SLC44A1: variants seen among roughly 807,000 people sequenced by gnomAD.
The protein encoded by SLC44A1 is solute carrier family 44 member 1.
A neutral mutation model predicts 79.3 loss-of-function variants in SLC44A1; 26 were observed. The observed-to-expected ratio is 0.33, with a 90% CI of 0.24 to 0.46. The LOEUF (loss-of-function observed/expected upper bound fraction) is 0.46, where lower values mean the gene tolerates loss of function less well. Ranked by LOEUF, SLC44A1 falls within the 20% of genes least tolerant of loss-of-function variation. The pLI, the probability that SLC44A1 is intolerant of heterozygous loss-of-function variation, is 1.00. For missense variants in SLC44A1, 688 were observed against 798.1 expected, an observed-to-expected ratio of 0.86 and a Z score of 1.66; for synonymous variants, 263 against 286.2, an observed-to-expected ratio of 0.92 and a Z score of 0.82.
At chr9:105,372,998 C>A (rs1828160176) in intron 12 of SLC44A1, among the ~76,000 whole-genome samples, 1 of 151,294 alleles carries the variant, frequency 6.6e-6, no homozygotes, top group Non-Finnish European at 1.5e-5. Context: ...CAGTACAATA[C>A]TCTCTTTGGC....
chr9:105,253,306 C>T (rs369740906), intron 1 of SLC44A1, among the ~76,000 whole-genome samples: 1 of 152,156 alleles, frequency 6.6e-6, no homozygotes, highest in East Asian at 1.9e-4. Flanking sequence ...AACATGATTA[C>T]TTCAAGATAT....
chr9:105,313,272 C>T (rs764812232), intron 3 of SLC44A1, among the ~76,000 whole-genome samples: 7 of 152,208 alleles, frequency 4.6e-5, no homozygotes, highest in Non-Finnish European at 8.8e-5. Flanking sequence ...TCAGTTTGCA[C>T]TCTAATTATA....
At chr9:105,412,391 T>C (rs1187119219) in intron 15 of SLC44A1, among the ~76,000 whole-genome samples, 1 of 152,212 alleles carries the variant, frequency 6.6e-6, no homozygotes, top group Non-Finnish European at 1.5e-5. Context: ...CTTTGAGTAC[T>C]TCCTTATTCA....
At chr9:105,416,836 A>G (rs954699786) in intron 15 of SLC44A1, among the ~76,000 whole-genome samples, 1 of 152,190 alleles carries the variant, frequency 6.6e-6, no homozygotes, top group Non-Finnish European at 1.5e-5. Context: ...GTCCCACTTG[A>G]CTATCCATGC....
intron 1 of SLC44A1, among the ~76,000 whole-genome samples, chr9:105,278,344 G>C (rs1363929405): frequency 6.6e-6 from 1 of 152,164 alleles, no homozygotes; most frequent in Non-Finnish European, 1.5e-5. Flanking sequence ...CGCCTCCCGG[G>C]TTCACACCAT....
At chr9:105,414,720 C>T (rs1829144429) in intron 15 of SLC44A1, among the ~76,000 whole-genome samples, 1 of 151,998 alleles carries the variant, frequency 6.6e-6, no homozygotes, top group Admixed American at 6.6e-5. Flanking sequence ...TCTCTTGAGC[C>T]CAGGAGTTCT....
intron 15 of SLC44A1, among the ~76,000 whole-genome samples, chr9:105,411,244 T>G (rs1829090223): frequency 1.3e-5 from 2 of 152,152 alleles, no homozygotes; most frequent in East Asian, 3.8e-4. Flanking sequence ...AGAAGAATAG[T>G]TCAAAGAATT....
At chr9:105,380,858 C>T (rs1362952599) in intron 13 of SLC44A1, among the ~76,000 whole-genome samples, 1 of 152,182 alleles carries the variant, frequency 6.6e-6, no homozygotes, top group Non-Finnish European at 1.5e-5. Flanking sequence ...ACCAACCAGA[C>T]TCTGGGATTA....
chr9:105,324,684 T>C (rs1057276926), intron 3 of SLC44A1, among the ~76,000 whole-genome samples: 1 of 152,174 alleles, frequency 6.6e-6, no homozygotes, highest in Non-Finnish European at 1.5e-5. Context: ...AAGAAATCTG[T>C]GATAGGCAAA....
At chr9:105,386,093 C>T in intron 15 of SLC44A1, 1 of 984,930 alleles carries the variant, frequency 1.0e-6, no homozygotes, top group South Asian at 4.7e-5. Context: ...GTAAGACAAT[C>T]TAGTCTTCTC....
chr9:105,358,241 C>T (rs2131402797), intron 6 of SLC44A1, 103 bp from the exon 7 acceptor site: 1 of 669,776 alleles, frequency 1.5e-6, no homozygotes, highest in Non-Finnish European at 2.6e-6. Flanking sequence ...TCAATAGCAA[C>T]AGATTATTTC....
At chr9:105,271,675 G>A (rs1830081111) in intron 1 of SLC44A1, among the ~76,000 whole-genome samples, 1 of 152,060 alleles carries the variant, frequency 6.6e-6, no homozygotes, top group South Asian at 2.1e-4. Flanking sequence ...GTGCAGTGGT[G>A]CAATCTCAGC....
intron 2 of SLC44A1, 80 bp from the exon 3 acceptor site, chr9:105,309,644 G>C: frequency 7.7e-7 from 1 of 1,298,518 alleles, no homozygotes; most frequent in Non-Finnish European, 1.1e-6. Context: ...CAGACAAAAA[G>C]AAGCTCATTA....
Position 105,395,143 on chromosome 9 carries a change from G to C in SLC44A1, c.*6087G>C. Reference sequence around the variant, plus strand: ...GGCTGAAGAAAGTGGAAATATAACTGGCTGGTGAAGAAAGGAGAAAAGTCA... The same window carrying C: ...GGCTGAAGAAAGTGGAAATATAACTCGCTGGTGAAGAAAGGAGAAAAGTCA... On this transcript the variant is annotated 3_prime_UTR_variant, in exon 16 of 16. Transcript: ENST00000374720. The C allele has an allele frequency of 3.0e-6, 3 of 985,394 alleles. No individual in the cohort carries two copies. Among genetic ancestry groups the C allele is most frequent in the Non-Finnish European group, 3.6e-6 (3 of 829,954 alleles). 61.0% of individuals were successfully genotyped at this position (985,394 alleles called of 1,614,324 possible).
chr9:105,332,483 G>A (rs1826782603), intron 3 of SLC44A1, among the ~76,000 whole-genome samples: 1 of 152,184 alleles, frequency 6.6e-6, no homozygotes, highest in Non-Finnish European at 1.5e-5. Flanking sequence ...TGTGATGTAT[G>A]TGAGTGTGTA....
At chr9:105,270,303 T>C (rs1031191503) in intron 1 of SLC44A1, among the ~76,000 whole-genome samples, 9 of 152,180 alleles carry the variant, frequency 5.9e-5, no homozygotes, top group Admixed American at 4.6e-4. Context: ...ATATCTGACA[T>C]GGGTCAACTT....
intron 15 of SLC44A1, among the ~76,000 whole-genome samples, chr9:105,411,115 T>C (rs764687518): frequency 6.6e-6 from 1 of 152,204 alleles, no homozygotes; most frequent in African/African-American, 2.4e-5. Flanking sequence ...TGGTGATGGG[T>C]GCAAAACTTT....
intron 13 of SLC44A1, among the ~76,000 whole-genome samples, chr9:105,376,452 C>T (rs1045852083): frequency 3.3e-5 from 5 of 151,742 alleles, no homozygotes; most frequent in African/African-American, 1.2e-4. Flanking sequence ...CGGCTCACTG[C>T]AACCTCCGCG....
At chr9:105,360,895 G>A (rs1827758402) in intron 7 of SLC44A1, among the ~76,000 whole-genome samples, 1 of 151,992 alleles carries the variant, frequency 6.6e-6, no homozygotes. Flanking sequence ...TCCTGTCAGG[G>A]GTGTATGTTT....
Sources: gnomAD v4.1 joint callset for allele counts (sites outside exome capture counted in the v4.1 genomes callset) on GRCh38, gnomAD v4.1.1 for gene constraint, MANE v1.5 for transcripts, NCBI Gene and HGNC (gene_info 2026-07-23, HGNC 2026-07-21) for gene names.